Variants in KDM2A observed in about 807,000 individuals in gnomAD.
KDM2A encodes the protein lysine demethylase 2A.
In KDM2A, 3 loss-of-function variants were observed where a neutral mutation model predicts 137.3. That is an observed-to-expected ratio of 0.02 (90% CI 0.01 to 0.06). The LOEUF (loss-of-function observed/expected upper bound fraction) is 0.06, where lower values mean the gene tolerates loss of function less well. KDM2A is among the 10% of genes least tolerant of loss of function. The probability of loss-of-function intolerance (pLI) is 1.00; values close to 1 mark genes in which losing one functional copy is unlikely to be tolerated. For missense variants in KDM2A, 738 were observed against 1,510.6 expected (o/e 0.49, Z 8.48); for synonymous variants, 512 against 541.5 (o/e 0.95, Z 0.76).
intron 5 of KDM2A, among the ~76,000 whole-genome samples, chr11:67,190,727 C>G (rs991732192): frequency 5.9e-5 from 9 of 152,002 alleles, no homozygotes; most frequent in African/African-American, 2.2e-4. Context: ...TGCCATTGTA[C>G]TCCAGCCTAG....
intron 6 of KDM2A, among the ~76,000 whole-genome samples, chr11:67,209,186 G>A (rs1857902930): frequency 6.6e-6 from 1 of 151,812 alleles, no homozygotes; most frequent in Admixed American, 6.6e-5. Flanking sequence ...ACCTGCCTCG[G>A]TCTCCCAAAG....
intron 5 of KDM2A, among the ~76,000 whole-genome samples, chr11:67,186,796 AGTG>A (rs1857217289): frequency 2.6e-5 from 4 of 152,300 alleles, no homozygotes; most frequent in South Asian, 2.1e-4. Context: ...AACGGGGTAT[AGTG>A]GTATATGCCT....
chr11:67,239,437 A>G (rs555852264), intron 12 of KDM2A, among the ~76,000 whole-genome samples: 14 of 152,272 alleles, frequency 9.2e-5, no homozygotes, highest in Non-Finnish European at 1.0e-4. Flanking sequence ...GAATATCTCA[A>G]TATTGGCTGA....
At chr11:67,198,013 A>G (rs912429696) in intron 5 of KDM2A, among the ~76,000 whole-genome samples, 1 of 152,190 alleles carries the variant, frequency 6.6e-6, no homozygotes, top group Non-Finnish European at 1.5e-5. Flanking sequence ...TCCTTAAATC[A>G]TAAAAGAACA....
chr11:67,239,805 G>A (rs1020193082), intron 12 of KDM2A, among the ~76,000 whole-genome samples: 2 of 152,252 alleles, frequency 1.3e-5, no homozygotes, highest in Non-Finnish European at 1.5e-5. Context: ...TTTGGCTGGC[G>A]CCTTCAGAAG....
chr11:67,123,275 CTTTTTTTTTTTTTTTTT>C lies in KDM2A; in HGVS notation c.42+1927_42+1943del, dbSNP rs575165830. Among the ~76,000 whole-genome samples, 10 of 71,490 alleles carry C rather than the reference CTTTTTTTTTTTTTTTTT, an allele frequency of 1.4e-4. No individual in the cohort carries two copies. In the South Asian group the frequency reaches 1.8e-3, roughly 13 times the overall value. The allele number at this position is 71,490 out of a possible 152,430, so 46.9% of individuals were successfully genotyped here. A position where few individuals can be genotyped will look rare whatever the true frequency, so the allele number is the denominator to read the frequency against. ...AACAAGCGTGAGCCACAGTACCTGG[CTTTTTTTTTTTTTTTTT>C]TTTTTTTTTGTGACTGCTAGAAAGG... On this transcript the variant is annotated intron_variant, in intron 2 of 20. Coordinates refer to ENST00000529006, the MANE Select transcript of KDM2A (RefSeq NM_012308.3).
At chr11:67,239,517 G>GC (rs940808529) in intron 12 of KDM2A, among the ~76,000 whole-genome samples, 1 of 152,230 alleles carries the variant, frequency 6.6e-6, no homozygotes, top group Non-Finnish European at 1.5e-5. Flanking sequence ...GAGCAAGTCA[G>GC]CGAGGGCAGG....
At chr11:67,182,391 A>G (rs1409709720) in intron 5 of KDM2A, among the ~76,000 whole-genome samples, 1 of 152,184 alleles carries the variant, frequency 6.6e-6, no homozygotes, top group African/African-American at 2.4e-5. Flanking sequence ...AAGAAAGCAA[A>G]TTAATCTAAT....
At chr11:67,121,507 C>G (rs1855596471) in intron 2 of KDM2A, 149 bp downstream of exon 2, 1 of 655,730 alleles carries the variant, frequency 1.5e-6, no homozygotes, top group Non-Finnish European at 2.6e-6. Context: ...GTATTAATAT[C>G]GAATTTGGCT....
intron 12 of KDM2A, among the ~76,000 whole-genome samples, chr11:67,241,232 G>T (rs1039658639): frequency 6.6e-5 from 10 of 152,100 alleles, no homozygotes; most frequent in African/African-American, 2.2e-4. Context: ...GGGAGATTAG[G>T]AGCCCATACC....
chr11:67,229,599 G>A (rs1268782327), intron 11 of KDM2A, among the ~76,000 whole-genome samples: 2 of 152,102 alleles, frequency 1.3e-5, no homozygotes, highest in African/African-American at 4.8e-5. Context: ...GGCCTGGCAC[G>A]GTGGCTCACA....
intron 17 of KDM2A, chr11:67,252,240 C>T: frequency 5.2e-6 from 1 of 191,318 alleles, no homozygotes; most frequent in Non-Finnish European, 1.1e-5. Context: ...TAGCACCCTG[C>T]ATTTCAGGCA....
intron 12 of KDM2A, among the ~76,000 whole-genome samples, chr11:67,237,388 A>G (rs967129855): frequency 6.6e-6 from 1 of 152,118 alleles, no homozygotes; most frequent in Non-Finnish European, 1.5e-5. Flanking sequence ...AAGACCCAGT[A>G]TAGTTAGCTC....
chr11:67,217,673 G>C (rs1370625258), intron 8 of KDM2A, 58 bp from the exon 9 acceptor site: 3 of 1,559,094 alleles, frequency 1.9e-6, no homozygotes, highest in Non-Finnish European at 2.6e-6. Context: ...TATCAGTTGA[G>C]GGAGACGACT....
chr11:67,219,407 A>G lies in KDM2A; in HGVS notation c.957+4A>G, dbSNP rs1858266780. 1 of 1,541,616 alleles carries G rather than the reference A, an allele frequency of 6.5e-7. No individual in the cohort carries two copies. Among genetic ancestry groups the G allele is most frequent in the Non-Finnish European group, 8.9e-7 (1 of 1,124,214 alleles). On this transcript the variant is annotated splice_donor_region_variant and intron_variant, in intron 10 of 20. Transcript: ENST00000529006. ...CAACATTGAAGATCGGACACGGGTA[A>G]GTAATCTTATGTAACAGTTGCATGT... is the stretch of plus-strand genomic sequence containing the variant.
At chr11:67,236,329 C>T (rs1858871045) in intron 12 of KDM2A, among the ~76,000 whole-genome samples, 1 of 152,124 alleles carries the variant, frequency 6.6e-6, no homozygotes, top group African/African-American at 2.4e-5. Flanking sequence ...TGGAGTTTTA[C>T]CATGTTGGCC....
chr11:67,192,185 A>G (rs1857371111), intron 5 of KDM2A, among the ~76,000 whole-genome samples: 1 of 151,652 alleles, frequency 6.6e-6, no homozygotes, highest in Non-Finnish European at 1.5e-5. Context: ...TCCCATTTTC[A>G]ATCCCTTTTC....
At position 67,255,498 on chromosome 11, in the gene KDM2A, T is replaced by C. The variant is rs1424962558; in HGVS notation, c.*443T>C. The C allele has an allele frequency of 2.2e-6, 1 of 457,726 alleles. No individual in the cohort carries two copies. Among genetic ancestry groups the C allele is most frequent in the Non-Finnish European group, 4.4e-6 (1 of 227,670 alleles). The allele number at this position is 457,726 out of a possible 1,614,324, so 28.4% of individuals were successfully genotyped here. On this transcript the variant is annotated 3_prime_UTR_variant, in exon 21 of 21. Transcript: ENST00000529006. ...ATGGCCAGGTTCTTGTGGTGTCCAG[T>C]GCGCGTCTCTCCTCCATCACACTCT...
chr11:67,214,026 C>T (rs1264432264), intron 6 of KDM2A, among the ~76,000 whole-genome samples: 2 of 151,756 alleles, frequency 1.3e-5, no homozygotes, highest in Non-Finnish European at 2.9e-5. Flanking sequence ...CAACGCCTGG[C>T]TGTTTTTTTT....
Sources: allele counts gnomAD v4.1 joint callset (sites outside exome capture counted in the v4.1 genomes callset), GRCh38; gene constraint gnomAD v4.1.1; transcripts MANE v1.5; gene names NCBI Gene and HGNC (gene_info 2026-07-23, HGNC 2026-07-21).